The following ZBTB7C variants were observed in gnomAD, a reference collection of about 807,000 sequenced individuals.
The protein encoded by ZBTB7C is zinc finger and BTB domain-containing protein 7C.
A neutral mutation model predicts 25.7 loss-of-function variants in ZBTB7C; 8 were observed. That is an observed-to-expected ratio of 0.31 (90% CI 0.18 to 0.56). The LOEUF (loss-of-function observed/expected upper bound fraction) is 0.56, where lower values mean the gene tolerates loss of function less well. Among genes scored for constraint, ZBTB7C ranks in the 20% least tolerant of loss-of-function variants. The probability of loss-of-function intolerance (pLI) is 0.91; values close to 1 mark genes in which losing one functional copy is unlikely to be tolerated. For synonymous variants in ZBTB7C, 394 were observed against 369.0 expected (o/e 1.07, Z -0.78); for missense variants, 824 against 855.2 (o/e 0.96, Z 0.46).
intron 3 of ZBTB7C, among the ~76,000 whole-genome samples, chr18:48,142,820 C>T (rs1376913638): frequency 6.6e-6 from 1 of 152,048 alleles, no homozygotes; most frequent in African/African-American, 2.4e-5. Context: ...TCACTCCTCC[C>T]TCTCTCCCTT....
At chr18:48,322,377 A>G (rs981076889) in intron 2 of ZBTB7C, among the ~76,000 whole-genome samples, 3 of 152,048 alleles carry the variant, frequency 2.0e-5, no homozygotes, top group African/African-American at 7.2e-5. Flanking sequence ...AGACCTCACC[A>G]CCAAATGTCC....
intron 1 of ZBTB7C, among the ~76,000 whole-genome samples, chr18:48,368,266 T>C (rs569128687): frequency 8.5e-4 from 116 of 136,800 alleles, no homozygotes; most frequent in African/African-American, 2.8e-3. Context: ...AAATCAAATA[T>C]AAAGAACCAA....
chr18:48,267,369 G>A (rs954502924), intron 2 of ZBTB7C, among the ~76,000 whole-genome samples: 12 of 152,186 alleles, frequency 7.9e-5, no homozygotes, highest in Non-Finnish European at 1.3e-4. Flanking sequence ...AAAACTAATC[G>A]GCAGGGATAA....
intron 3 of ZBTB7C, among the ~76,000 whole-genome samples, chr18:48,102,966 A>G (rs1439353865): frequency 6.6e-6 from 1 of 151,550 alleles, no homozygotes; most frequent in Non-Finnish European, 1.5e-5. Flanking sequence ...TCAACTGATG[A>G]CATTTATAAA....
At chr18:48,131,890 G>A (rs986089804) in intron 3 of ZBTB7C, among the ~76,000 whole-genome samples, 13 of 152,180 alleles carry the variant, frequency 8.5e-5, no homozygotes, top group African/African-American at 2.7e-4. Context: ...TTATCAACAA[G>A]TGTTGGTGGG....
chr18:48,318,293 A>G (rs72911517), intron 2 of ZBTB7C, among the ~76,000 whole-genome samples: 22,939 of 151,860 alleles, frequency 0.15, 1,856 homozygotes, highest in Non-Finnish European at 0.2. Flanking sequence ...TTCCTCCCAT[A>G]GGACTGGTTG....
chr18:48,037,146 A>G (rs1177521846), intron 4 of ZBTB7C, among the ~76,000 whole-genome samples: 1 of 152,246 alleles, frequency 6.6e-6, no homozygotes, highest in Non-Finnish European at 1.5e-5. Context: ...AGAAGGACCC[A>G]AGAGCTTGTC....
At chr18:48,271,349 T>C (rs2044480440) in intron 2 of ZBTB7C, among the ~76,000 whole-genome samples, 1 of 151,914 alleles carries the variant, frequency 6.6e-6, no homozygotes, top group African/African-American at 2.4e-5. Context: ...TTTTTAAAAG[T>C]CTCAAATCAA....
intron 2 of ZBTB7C, among the ~76,000 whole-genome samples, chr18:48,201,526 C>T (rs891644054): frequency 2.0e-5 from 3 of 152,142 alleles, no homozygotes; most frequent in South Asian, 2.1e-4. Flanking sequence ...TCATGGCATT[C>T]GATTTTCCAC....
intron 2 of ZBTB7C, among the ~76,000 whole-genome samples, chr18:48,310,535 C>T (rs1321734552): frequency 6.6e-6 from 1 of 151,994 alleles, no homozygotes; most frequent in Non-Finnish European, 1.5e-5. Context: ...GAGAGAAAGA[C>T]TTTTTTCTTT....
chr18:48,244,084 A>T (rs545482257), intron 2 of ZBTB7C, among the ~76,000 whole-genome samples: 1 of 152,212 alleles, frequency 6.6e-6, no homozygotes, highest in South Asian at 2.1e-4. Context: ...AGAAGATAAC[A>T]TCACAAAAAC....
chr18:48,069,161 GACTGAATCAATGAGCAT>G (rs2037449464), intron 3 of ZBTB7C, among the ~76,000 whole-genome samples: 2 of 152,332 alleles, frequency 1.3e-5, no homozygotes, highest in Admixed American at 6.5e-5. Context: ...TTGCTGGATT[GACTGAATCAATGAGCAT>G]ACTGTCCCAC....
intron 2 of ZBTB7C, among the ~76,000 whole-genome samples, chr18:48,295,089 C>T (rs1354497312): frequency 6.6e-6 from 1 of 152,136 alleles, no homozygotes; most frequent in Admixed American, 6.5e-5. Flanking sequence ...TTTCTGACTG[C>T]ACTTGCCTGT....
intron 2 of ZBTB7C, among the ~76,000 whole-genome samples, chr18:48,279,098 C>A (rs1399695547): frequency 6.6e-6 from 1 of 152,102 alleles, no homozygotes; most frequent in Non-Finnish European, 1.5e-5. Flanking sequence ...GGAAAAAGTC[C>A]ATGGAACCAG....
chr18:48,035,221 C>T (rs970773281), intron 4 of ZBTB7C, among the ~76,000 whole-genome samples: 5 of 152,226 alleles, frequency 3.3e-5, no homozygotes, highest in East Asian at 1.9e-4. Flanking sequence ...CGGGGTTCAG[C>T]GGAACTGGAA....
intron 1 of ZBTB7C, among the ~76,000 whole-genome samples, chr18:48,394,210 T>C (rs1398028870): frequency 6.6e-6 from 1 of 152,352 alleles, no homozygotes; most frequent in East Asian, 1.9e-4. Context: ...TGCAAGACCT[T>C]AAGAAATGTC....
At chr18:48,227,426 G>A (rs994730158) in intron 2 of ZBTB7C, among the ~76,000 whole-genome samples, 12 of 152,316 alleles carry the variant, frequency 7.9e-5, no homozygotes, top group South Asian at 6.2e-4. Flanking sequence ...CCTTTCTGCC[G>A]TCCTCTAGTC....
In ZBTB7C at chr18:48,221,573, TGTCTCCTCTATACTGTCTCA is replaced by T. The variant is rs1432694381; in HGVS notation, c.-78-35598_-78-35579del. Among the ~76,000 whole-genome samples the T allele has an allele frequency of 1.1e-3, 153 of 143,678 alleles. 1 individual carries two copies. The highest frequency in any genetic ancestry group is 1.9e-3 in the Non-Finnish European group (124 of 65,700). 94.3% of individuals were successfully genotyped at this position (143,678 alleles called of 152,430 possible). ...TCCTAGTCTCCCTCTATACTGTCCTTGTCTCCTCTATACTGTCTCAGTCTCCTCTATACTGTCCCAGTCTC... is the reference window on the plus strand; with the variant it reads ...TCCTAGTCTCCCTCTATACTGTCCTTGTCTCCTCTATACTGTCCCAGTCTC... On this transcript the variant is annotated intron_variant, in intron 2 of 4. Coordinates refer to ENST00000590800, the MANE Select transcript of ZBTB7C (RefSeq NM_001318841.2).
intron 1 of ZBTB7C, among the ~76,000 whole-genome samples, chr18:48,363,170 C>T (rs1402137844): frequency 6.6e-6 from 1 of 152,086 alleles, no homozygotes; most frequent in Non-Finnish European, 1.5e-5. Flanking sequence ...AAGGCTAGTG[C>T]TATTGCTGTT....
Sources: allele counts gnomAD v4.1 joint callset (sites outside exome capture counted in the v4.1 genomes callset), GRCh38; gene constraint gnomAD v4.1.1; transcripts MANE v1.5; gene names NCBI Gene and HGNC (gene_info 2026-07-23, HGNC 2026-07-21).